Variants in OLFM3 observed in about 807,000 individuals in gnomAD.
The protein encoded by OLFM3 is noelin-3.
OLFM3 carries 20 observed loss-of-function variants against 48.6 expected under a neutral mutation model. The observed-to-expected ratio is 0.41, with a 90% CI of 0.29 to 0.60. The LOEUF (loss-of-function observed/expected upper bound fraction) is 0.60. Ranked by LOEUF, OLFM3 falls within the 20% of genes least tolerant of loss-of-function variation. The pLI is 0.28. For synonymous variants in OLFM3, 222 were observed against 198.1 expected, an observed-to-expected ratio of 1.12 and a Z score of -1.01; for missense variants, 437 against 544.3, an observed-to-expected ratio of 0.80 and a Z score of 1.96.
At chr1:101,846,024 T>C (rs1257124838) in intron 1 of OLFM3, among the ~76,000 whole-genome samples, 1 of 152,236 alleles carries the variant, frequency 6.6e-6, no homozygotes, top group Non-Finnish European at 1.5e-5. Flanking sequence ...AGAGGAATTA[T>C]TTTCTAAGAA....
intron 1 of OLFM3, among the ~76,000 whole-genome samples, chr1:101,991,581 AC>A (rs1409972977): frequency 2.0e-5 from 3 of 151,800 alleles, no homozygotes; most frequent in Non-Finnish European, 4.4e-5. Context: ...TTCCCAAATA[AC>A]CTTTCACATC....
chr1:101,802,931 A>C lies in OLFM3; in HGVS notation c.*1307T>G, dbSNP rs1025216632. On this transcript the variant is annotated 3_prime_UTR_variant, in exon 6 of 6. Coordinates refer to ENST00000370103, the MANE Select transcript of OLFM3 (RefSeq NM_058170.4). ...TATAGTTAGCTTATATGTTTCATAGAGTTATTAACATAAGTATTATTAAAG... is the reference window on the plus strand; with the variant it reads ...TATAGTTAGCTTATATGTTTCATAGCGTTATTAACATAAGTATTATTAAAG... The C allele has an allele frequency of 6.6e-6, 1 of 151,636 alleles. No homozygotes were observed. Among genetic ancestry groups the C allele is most frequent in the Admixed American group, 6.6e-5 (1 of 15,192 alleles). The allele number at this position is 151,636 out of a possible 1,614,324, so 9.4% of individuals were successfully genotyped here. A position where few individuals can be genotyped will look rare whatever the true frequency, so the allele number is the denominator to read the frequency against.
At position 101,902,560 on chromosome 1, in the gene OLFM3, A is replaced by G. The variant is rs570466839; in HGVS notation, c.70-65535T>C. Among the ~76,000 whole-genome samples the G allele has an allele frequency of 1.1e-4, 16 of 152,216 alleles. No individual in the cohort carries two copies. In the East Asian group the frequency reaches 2.7e-3, roughly 26 times the overall value. On this transcript the variant is annotated intron_variant, in intron 1 of 5. Transcript: ENST00000370103. ...TTAGAATAATCAAGGGACCAAAACT[A>G]CACATTAAAAGAGAAATGTTTATAA...
At chr1:101,828,066 G>GTCTGTCTCTCTCTCTC (rs1654967956) in intron 3 of OLFM3, among the ~76,000 whole-genome samples, 1 of 141,898 alleles carries the variant, frequency 7.0e-6, no homozygotes, top group Non-Finnish European at 1.5e-5. Flanking sequence ...CTCTCTCTCT[G>GTCTGTCTCTCTCTCTC]TCTCTCTCTC....
intron 1 of OLFM3, among the ~76,000 whole-genome samples, chr1:101,966,061 C>T (rs560629978): frequency 1.1e-4 from 16 of 152,296 alleles, no homozygotes; most frequent in Admixed American, 2.0e-4. Context: ...TTTCATTAGG[C>T]TTGGGATAGC....
chr1:101,936,581 T>C (rs1050390583), intron 1 of OLFM3, among the ~76,000 whole-genome samples: 1 of 152,162 alleles, frequency 6.6e-6, no homozygotes, highest in African/African-American at 2.4e-5. Context: ...ACCAACAACA[T>C]TCTTCACAGA....
chr1:101,948,105 CCTTTTTAA>C (rs1456666328), intron 1 of OLFM3, among the ~76,000 whole-genome samples: 1 of 151,472 alleles, frequency 6.6e-6, no homozygotes, highest in East Asian at 1.9e-4. Context: ...GAGATGCAAG[CCTTTTTAA>C]CATTGAAACA....
At chr1:101,890,250 C>T (rs1657937950) in intron 1 of OLFM3, among the ~76,000 whole-genome samples, 1 of 151,800 alleles carries the variant, frequency 6.6e-6, no homozygotes, top group African/African-American at 2.4e-5. Flanking sequence ...AAAATAGCTA[C>T]TAATCTTGGA....
At chr1:101,905,871 C>T (rs528541051) in intron 1 of OLFM3, among the ~76,000 whole-genome samples, 71 of 152,222 alleles carry the variant, frequency 4.7e-4, no homozygotes, top group African/African-American at 1.7e-3. Flanking sequence ...AAGCAGAGAA[C>T]CACAATTCTC....
chr1:101,859,936 G>A (rs1656581991), intron 1 of OLFM3: 1 of 152,058 alleles, frequency 6.6e-6, no homozygotes, highest in Non-Finnish European at 1.5e-5. Context: ...TGGGGATACA[G>A]TCTGAGATTT....
At chr1:101,813,585 T>C (rs1557684213) in intron 4 of OLFM3, among the ~76,000 whole-genome samples, 1 of 152,192 alleles carries the variant, frequency 6.6e-6, no homozygotes. Flanking sequence ...AATCAATATA[T>C]ATCTAGTGTT....
chr1:101,849,038 G>A (rs1656122740), intron 1 of OLFM3, among the ~76,000 whole-genome samples: 1 of 152,172 alleles, frequency 6.6e-6, no homozygotes, highest in African/African-American at 2.4e-5. Flanking sequence ...TAATTTTCCA[G>A]AGATGCAAAT....
At chr1:101,920,794 T>A (rs1659072245) in intron 1 of OLFM3, among the ~76,000 whole-genome samples, 1 of 152,172 alleles carries the variant, frequency 6.6e-6, no homozygotes, top group Non-Finnish European at 1.5e-5. Context: ...TCCCACTGCT[T>A]TATTCACTGT....
intron 1 of OLFM3, among the ~76,000 whole-genome samples, chr1:101,942,456 A>G (rs2101060842): frequency 6.6e-6 from 1 of 152,264 alleles, no homozygotes; most frequent in Admixed American, 6.5e-5. Context: ...AATATAATTC[A>G]TATATTCATA....
At chr1:101,988,698 A>T (rs552559828) in intron 1 of OLFM3, among the ~76,000 whole-genome samples, 1 of 152,224 alleles carries the variant, frequency 6.6e-6, no homozygotes, top group South Asian at 2.1e-4. Context: ...TATCAATAAG[A>T]CACTGTGCTA....
intron 1 of OLFM3, among the ~76,000 whole-genome samples, chr1:101,867,364 G>T (rs1271126512): frequency 6.6e-6 from 1 of 152,126 alleles, no homozygotes; most frequent in Non-Finnish European, 1.5e-5. Context: ...TATTACAGTG[G>T]TGTCATGTTC....
intron 1 of OLFM3, among the ~76,000 whole-genome samples, chr1:101,868,169 TGA>T (rs940841262): frequency 6.6e-6 from 1 of 152,140 alleles, no homozygotes; most frequent in Non-Finnish European, 1.5e-5. Flanking sequence ...TTGGTACCAC[TGA>T]GAGTGGGGTG....
chr1:101,865,605 C>T (rs183046810), intron 1 of OLFM3, among the ~76,000 whole-genome samples: 135 of 152,260 alleles, frequency 8.9e-4, no homozygotes, highest in Non-Finnish European at 1.2e-3. Context: ...CATTCAGCAG[C>T]GCTTTGTGCC....
intron 3 of OLFM3, among the ~76,000 whole-genome samples, chr1:101,830,463 C>G (rs1655091388): frequency 6.6e-6 from 1 of 152,134 alleles, no homozygotes; most frequent in African/African-American, 2.4e-5. Context: ...CCAAACTCTA[C>G]AAGAATGAAG....
Sources: gnomAD v4.1 joint callset for allele counts (sites outside exome capture counted in the v4.1 genomes callset) on GRCh38, gnomAD v4.1.1 for gene constraint, MANE v1.5 for transcripts, NCBI Gene and HGNC (gene_info 2026-07-23, HGNC 2026-07-21) for gene names.